GALNTL6: variants seen among roughly 807,000 people sequenced by gnomAD.
GALNTL6 encodes polypeptide N-acetylgalactosaminyltransferase like 6.
GALNTL6 carries 46 observed loss-of-function variants against 73.7 expected under a neutral mutation model. That is an observed-to-expected ratio of 0.62 (90% CI 0.49 to 0.80). The LOEUF (loss-of-function observed/expected upper bound fraction) is 0.80. Among genes scored for constraint, GALNTL6 ranks in the 30% least tolerant of loss-of-function variants. The pLI is 0.00. For missense variants in GALNTL6, 604 were observed against 755.0 expected (o/e 0.80, Z 2.34); for synonymous variants, 259 against 263.7 (o/e 0.98, Z 0.17).
At chr4:172,958,562 G>A (rs1749871051) in intron 10 of GALNTL6, among the ~76,000 whole-genome samples, 1 of 152,210 alleles carries the variant, frequency 6.6e-6, no homozygotes, top group Admixed American at 6.5e-5. Flanking sequence ...ATCCAACCAT[G>A]CCTAAGAAGG....
At chr4:172,324,704 T>G (rs1740884513) in intron 4 of GALNTL6, among the ~76,000 whole-genome samples, 1 of 151,104 alleles carries the variant, frequency 6.6e-6, no homozygotes, top group African/African-American at 2.4e-5. Flanking sequence ...TCTCAATAAA[T>G]TTCAGTGGAT....
chr4:172,660,249 C>G (rs1282686772), intron 5 of GALNTL6, among the ~76,000 whole-genome samples: 1 of 152,196 alleles, frequency 6.6e-6, no homozygotes, highest in African/African-American at 2.4e-5. Context: ...GCACAACTCT[C>G]TCACCCTTGG....
At chr4:172,281,214 C>T (rs1013880443) in intron 3 of GALNTL6, among the ~76,000 whole-genome samples, 9 of 152,006 alleles carry the variant, frequency 5.9e-5, no homozygotes, top group Admixed American at 1.3e-4. Flanking sequence ...CTTACAGTTC[C>T]GGAAGTGAGA....
chr4:172,563,364 AT>A (rs35028591), intron 5 of GALNTL6, among the ~76,000 whole-genome samples: 67,730 of 151,956 alleles, frequency 0.45, 17,423 homozygotes, highest in East Asian at 0.67. Flanking sequence ...CCAACTGTCA[AT>A]CCCGCCTTCA....
At chr4:172,141,822 T>G (rs989191933) in intron 2 of GALNTL6, among the ~76,000 whole-genome samples, 29 of 151,718 alleles carry the variant, frequency 1.9e-4, no homozygotes, top group Admixed American at 6.6e-4. Flanking sequence ...TATTTAACAC[T>G]TCTATCTGAT....
intron 2 of GALNTL6, among the ~76,000 whole-genome samples, chr4:171,860,185 A>G (rs1207976716): frequency 6.6e-6 from 1 of 152,196 alleles, no homozygotes; most frequent in Non-Finnish European, 1.5e-5. Context: ...ACATTACCTT[A>G]GGTTTTTTTC....
At chr4:172,034,594 A>G (rs892052678) in intron 2 of GALNTL6, among the ~76,000 whole-genome samples, 1 of 152,162 alleles carries the variant, frequency 6.6e-6, no homozygotes. Flanking sequence ...CATTTGCCAA[A>G]GTAATATGAG....
At chr4:172,042,968 G>C (rs1405659935) in intron 2 of GALNTL6, among the ~76,000 whole-genome samples, 1 of 146,188 alleles carries the variant, frequency 6.8e-6, no homozygotes, top group Non-Finnish European at 1.5e-5. Context: ...CAGTGTTACA[G>C]ACTCTCCAAA....
intron 5 of GALNTL6, among the ~76,000 whole-genome samples, chr4:172,671,107 TG>T (rs56386354): frequency 0.96 from 146,234 of 152,218 alleles, 70,511 homozygotes; most frequent in Non-Finnish European, 1. Flanking sequence ...TTGTTCTTTT[TG>T]ATTAGAATTG....
At chr4:172,330,522 A>G (rs1224512512) in intron 4 of GALNTL6, among the ~76,000 whole-genome samples, 2 of 152,154 alleles carry the variant, frequency 1.3e-5, no homozygotes, top group African/African-American at 4.8e-5. Context: ...ATTTCAGCTG[A>G]AGGTGCTGTA....
At position 171,921,959 on chromosome 4, in the gene GALNTL6, T is replaced by A. The variant is rs571834191; in HGVS notation, c.138+107241T>A. ...TATTTTTCTTCAAAGAAAAGCTGGGTTAAAATTCTGCATCATTTTTATGGT... is the reference window on the plus strand; with the variant it reads ...TATTTTTCTTCAAAGAAAAGCTGGGATAAAATTCTGCATCATTTTTATGGT... On this transcript the variant is annotated intron_variant, in intron 2 of 12. Transcript: ENST00000506823. Among the ~76,000 whole-genome samples the A allele has an allele frequency of 8.1e-4, 124 of 152,214 alleles. 1 individual carries two copies. Among genetic ancestry groups the A allele is most frequent in the Admixed American group, 8.1e-3 (124 of 15,286 alleles).
rs1741191558 is a variant in GALNTL6, at chr4:172,809,864, C to T, written c.739+318C>T. On this transcript the variant is annotated intron_variant, in intron 6 of 12. Coordinates refer to ENST00000506823, the MANE Select transcript of GALNTL6 (RefSeq NM_001034845.3). This position sits in a 1 kb window ranked among gnomAD's most constrained non-coding sequence, Gnocchi z 4.4. ...CACTGGGTGAACACTAAAAGAAAAA[C>T]GTGTCCCAAAACTCTTTTATAATCC... is the stretch of plus-strand genomic sequence containing the variant. Among the ~76,000 whole-genome samples, 2 of 150,592 alleles carry T rather than the reference C, an allele frequency of 1.3e-5. No homozygotes were observed. Among genetic ancestry groups the T allele is most frequent in the East Asian group, 2.0e-4 (1 of 5,110 alleles).
chr4:172,106,837 T>C (rs1442463782), intron 2 of GALNTL6, among the ~76,000 whole-genome samples: 1 of 152,176 alleles, frequency 6.6e-6, no homozygotes, highest in Non-Finnish European at 1.5e-5. Context: ...ATAAGAATAT[T>C]ATTTTGTTAA....
chr4:172,698,871 G>A (rs1410889224), intron 5 of GALNTL6, among the ~76,000 whole-genome samples: 3 of 152,150 alleles, frequency 2.0e-5, no homozygotes, highest in Non-Finnish European at 2.9e-5. Flanking sequence ...TGGATGGGAA[G>A]TATAAAGGCA....
intron 3 of GALNTL6, among the ~76,000 whole-genome samples, chr4:172,239,332 T>C (rs1344878440): frequency 1.3e-5 from 2 of 152,184 alleles, no homozygotes; most frequent in Non-Finnish European, 2.9e-5. Context: ...ATAGGTTGTA[T>C]GTTCCAGAAA....
At chr4:171,887,999 T>C (rs1326017654) in intron 2 of GALNTL6, among the ~76,000 whole-genome samples, 1 of 148,094 alleles carries the variant, frequency 6.8e-6, no homozygotes. Flanking sequence ...CTTTGTAGAA[T>C]TGAATGTTTA....
At chr4:172,478,255 T>C (rs979964237) in intron 5 of GALNTL6, among the ~76,000 whole-genome samples, 3 of 152,186 alleles carry the variant, frequency 2.0e-5, no homozygotes, top group Non-Finnish European at 4.4e-5. Context: ...TCACATTACC[T>C]AACTTTGTTT....
chr4:171,842,847 A>G (rs906101875), intron 2 of GALNTL6, among the ~76,000 whole-genome samples: 2 of 152,132 alleles, frequency 1.3e-5, no homozygotes, highest in African/African-American at 4.8e-5. Flanking sequence ...TCCAAACGGT[A>G]TCACTTGGTG....
At chr4:172,542,917 C>A (rs918226616) in intron 5 of GALNTL6, among the ~76,000 whole-genome samples, 45 of 151,766 alleles carry the variant, frequency 3.0e-4, no homozygotes, top group African/African-American at 1.0e-3. Context: ...GTGGTGAAAC[C>A]CTGTCTCTAC....
Sources: allele counts gnomAD v4.1 joint callset (sites outside exome capture counted in the v4.1 genomes callset), GRCh38; gene constraint gnomAD v4.1.1; non-coding constraint Gnocchi (gnomAD v3.1); transcripts MANE v1.5; gene names NCBI Gene and HGNC (gene_info 2026-07-23, HGNC 2026-07-21).